Variants in SFXN2 observed in about 807,000 individuals in gnomAD.
SFXN2 encodes the protein sideroflexin-2.
A neutral mutation model predicts 41.9 loss-of-function variants in SFXN2; 37 were observed. The observed-to-expected ratio is 0.88, with a 90% confidence interval of 0.68 to 1.16. The LOEUF (loss-of-function observed/expected upper bound fraction) is 1.16. SFXN2 is among the 50% of genes most tolerant of loss of function. The pLI is 0.00. For synonymous variants in SFXN2, 150 were observed against 156.7 expected (o/e 0.96, Z 0.32); for missense variants, 386 against 425.2 (o/e 0.91, Z 0.81).
chr10:102,729,312 C>T lies in SFXN2; in HGVS notation c.432-7C>T, dbSNP rs770625087. ...CCCCACTCCCAAGCATCTCTCTCCT[C>T]CCCCAGGCAGATGGCCCTTTCCTAC... On this transcript the variant is annotated splice_polypyrimidine_tract_variant and splice_region_variant and intron_variant, in intron 4 of 11. Coordinates refer to ENST00000369893, the MANE Select transcript of SFXN2 (RefSeq NM_178858.6). 1.9e-6 allele frequency: 3 copies of T among 1,613,924 alleles called. No homozygotes were observed. Among genetic ancestry groups the T allele is most frequent in the Non-Finnish European group, 2.5e-6 (3 of 1,179,912 alleles).
chr10:102,728,367 C>A, intron 3 of SFXN2, 64 bp from the exon 4 acceptor site: 1 of 1,290,338 alleles, frequency 7.7e-7, no homozygotes, highest in Non-Finnish European at 1.1e-6. Context: ...CTTTGACTGG[C>A]ATACCCTCAG....
At position 102,729,302 on chromosome 10, in the gene SFXN2, T is replaced by C; in HGVS notation, c.432-17T>C. ...CCGGCAGGGGCCCCACTCCCAAGCA[T>C]CTCTCTCCTCCCCCAGGCAGATGGC... On this transcript the variant is annotated splice_polypyrimidine_tract_variant and intron_variant, in intron 4 of 11. Coordinates refer to ENST00000369893, the MANE Select transcript of SFXN2 (RefSeq NM_178858.6). 1 of 1,613,474 alleles carries C rather than the reference T, an allele frequency of 6.2e-7. No homozygotes were observed. The highest frequency in any genetic ancestry group is 8.5e-7 in the Non-Finnish European group (1 of 1,179,586).
Position 102,726,766 on chromosome 10 carries a change from GAC to G in SFXN2, c.131_132del (p.Asp44ValfsTer31), listed in dbSNP as rs750133897. On this transcript the variant is annotated frameshift_variant, in exon 2 of 12. Transcript: ENST00000369893. LOFTEE classifies it high-confidence loss of function. Reference sequence around the variant, plus strand: ...TGTCTTTGTATCTGAGCGGGAGCTGGACTGGGCCAAGGTGATGGTGGAGAAGA... The same window carrying G: ...TGTCTTTGTATCTGAGCGGGAGCTGGTGGGCCAAGGTGATGGTGGAGAAGA... The part of the protein sequence containing the change: ...RTVFVSEREL[D>X]WAKVMVEKSR... The G allele has an allele frequency of 6.2e-7, 1 of 1,614,190 alleles. No individual in the cohort carries two copies. The highest frequency in any genetic ancestry group is 8.5e-7 in the Non-Finnish European group (1 of 1,180,040).
intron 5 of SFXN2, 80 bp from the exon 6 acceptor site, chr10:102,729,643 T>G: frequency 6.9e-7 from 1 of 1,444,130 alleles, no homozygotes; most frequent in East Asian, 2.3e-5. Flanking sequence ...TTTTCTTTTT[T>G]GTATTCTAGT....
chr10:102,737,826 A>G lies in SFXN2; in HGVS notation c.*64A>G. On this transcript the variant is annotated 3_prime_UTR_variant, in exon 12 of 12. Transcript: ENST00000369893. ...CACCAGCTCCTCCTTAGCTACGTGC[A>G]CACTTGTGTCCTCCTTCCCCTTTGC... 1 of 1,178,684 alleles carries G rather than the reference A, an allele frequency of 8.5e-7. No individual in the cohort carries two copies. The highest frequency in any genetic ancestry group is 1.3e-6 in the Non-Finnish European group (1 of 799,026). The allele number at this position is 1,178,684 out of a possible 1,614,324, so 73.0% of individuals were successfully genotyped here.
intron 1 of SFXN2, among the ~76,000 whole-genome samples, chr10:102,722,925 CTTTTTTTTT>C (rs71019608): frequency 1.9e-5 from 1 of 53,362 alleles, no homozygotes; most frequent in Non-Finnish European, 3.3e-5. Flanking sequence ...CAAGAAAGTC[CTTTTTTTTT>C]TTTTTTTTTT....
chr10:102,728,457 A>C lies in SFXN2; in HGVS notation c.359A>C (p.Gln120Pro), dbSNP rs2064644274. 1.2e-6 allele frequency: 2 copies of C among 1,614,062 alleles called. No homozygotes were observed. The highest frequency in any genetic ancestry group is 1.7e-6 in the Non-Finnish European group (2 of 1,179,974). Residue 120 changes from glutamine to proline, a missense_variant, in exon 4 of 12, where the codon CAG (glutamine) becomes CCG (proline). Coordinates refer to ENST00000369893, the MANE Select transcript of SFXN2 (RefSeq NM_178858.6). ...ACGATGCCGGCGGTGATCTTCTGGC[A>C]GTGGGTGAACCAGTCCTTCAATGCC... is the stretch of plus-strand genomic sequence containing the variant. Reference protein sequence around the residue: ...YRTMPAVIFWQWVNQSFNALV... With the variant: ...YRTMPAVIFWPWVNQSFNALV...
At chr10:102,736,144 A>G (rs2064774862) in intron 11 of SFXN2, among the ~76,000 whole-genome samples, 1 of 152,090 alleles carries the variant, frequency 6.6e-6, no homozygotes, top group African/African-American at 2.4e-5. Flanking sequence ...GCTCCCTCCC[A>G]GTGGAGCAAG....
rs1354004803 is a variant in SFXN2, at chr10:102,740,614, C to T, written c.*2852C>T. ...CCTGCCAGCGCCTCACAATTCACTT[C>T]CTGTCTTTAGAGATTTGCGTATTCT... is the stretch of plus-strand genomic sequence containing the variant. On this transcript the variant is annotated 3_prime_UTR_variant, in exon 12 of 12. Coordinates refer to ENST00000369893, the MANE Select transcript of SFXN2 (RefSeq NM_178858.6). The T allele has an allele frequency of 6.6e-6, 1 of 152,226 alleles. No homozygotes were observed. Among genetic ancestry groups the T allele is most frequent in the Non-Finnish European group, 1.5e-5 (1 of 68,062 alleles). 9.4% of individuals were successfully genotyped at this position (152,226 alleles called of 1,614,324 possible).
At position 102,739,811 on chromosome 10, in the gene SFXN2, GC is replaced by G. The variant is rs2064826048; in HGVS notation, c.*2050del. The G allele has an allele frequency of 6.6e-6, 1 of 152,128 alleles. No homozygotes were observed. Among genetic ancestry groups the G allele is most frequent in the Non-Finnish European group, 1.5e-5 (1 of 68,062 alleles). The allele number at this position is 152,128 out of a possible 1,614,324, so 9.4% of individuals were successfully genotyped here. A position where few individuals can be genotyped will look rare whatever the true frequency, so the allele number is the denominator to read the frequency against. ...ACCTGTAATCCCAGCTACTCGGGGG[GC>G]TGAGACTGGAGAATCACTTGAACCT... On this transcript the variant is annotated 3_prime_UTR_variant, in exon 12 of 12. Transcript: ENST00000369893.
At chr10:102,729,128 C>T (rs548332563) in intron 4 of SFXN2, among the ~76,000 whole-genome samples, 191 bp from the exon 5 acceptor site, 1 of 152,290 alleles carries the variant, frequency 6.6e-6, no homozygotes, top group South Asian at 2.1e-4. Flanking sequence ...GGCATGTTCA[C>T]AGTACTGAAA....
In SFXN2 at chr10:102,732,928, G is replaced by C. The variant is rs1195412512; in HGVS notation, c.771+20G>C. On this transcript the variant is annotated intron_variant, in intron 9 of 11. Transcript: ENST00000369893. ...ATGCAGGTATGTAGGGTTTGCTTTG[G>C]CATTTTCCCTGCCCAGAGTGCGTCC... 5.0e-6 allele frequency: 8 copies of C among 1,613,752 alleles called. No homozygotes were observed. Among genetic ancestry groups the C allele is most frequent in the Non-Finnish European group, 6.8e-6 (8 of 1,179,888 alleles).
In SFXN2 at chr10:102,742,728, C is replaced by T. The variant is rs924396106; in HGVS notation, c.*4966C>T. 1 of 151,234 alleles carries T rather than the reference C, an allele frequency of 6.6e-6. No individual in the cohort carries two copies. Among genetic ancestry groups the T allele is most frequent in the African/African-American group, 2.4e-5 (1 of 41,310 alleles). 9.4% of individuals were successfully genotyped at this position (151,234 alleles called of 1,614,324 possible). On this transcript the variant is annotated 3_prime_UTR_variant, in exon 12 of 12. Transcript: ENST00000369893. Reference sequence around the variant, plus strand: ...CAAGGGATCTACCTGCCTCAGCCTCCCAAAGGGCTAGGATTATAAGCATGA... The same window carrying T: ...CAAGGGATCTACCTGCCTCAGCCTCTCAAAGGGCTAGGATTATAAGCATGA...
intron 1 of SFXN2, chr10:102,724,913 G>GTTTTTTTTTTTTTTTTTTT (rs200568019): frequency 1.4e-5 from 2 of 142,134 alleles, no homozygotes; most frequent in Non-Finnish European, 1.5e-5. Context: ...TTCAAACTGC[G>GTTTTTTTTTTTTTTTTTTT]TTTTTTTTTT....
intron 6 of SFXN2, among the ~76,000 whole-genome samples, chr10:102,731,388 C>G (rs2136053912): frequency 6.6e-6 from 1 of 152,148 alleles, no homozygotes; most frequent in South Asian, 2.1e-4. Flanking sequence ...CTTACCAGGT[C>G]CTGTAAAGTG....
chr10:102,740,043 T>A lies in SFXN2; in HGVS notation c.*2281T>A, dbSNP rs1004169832. 2 of 152,234 alleles carry A rather than the reference T, an allele frequency of 1.3e-5. No individual in the cohort carries two copies. The highest frequency in any genetic ancestry group is 4.8e-5 in the African/African-American group (2 of 41,442). The allele number at this position is 152,234 out of a possible 1,614,324, so 9.4% of individuals were successfully genotyped here. A position where few individuals can be genotyped will look rare whatever the true frequency, so the allele number is the denominator to read the frequency against. ...AGTCATTGCCCGGTGATGCTGATTC[T>A]GTTGGTCTTGGCACCATACGTGGAG... On this transcript the variant is annotated 3_prime_UTR_variant, in exon 12 of 12. Transcript: ENST00000369893.
In SFXN2 at chr10:102,726,983, G is replaced by A. The variant is rs762079318; in HGVS notation, c.162-4G>A. 3.8e-6 allele frequency: 6 copies of A among 1,593,130 alleles called. No homozygotes were observed. Among genetic ancestry groups the A allele is most frequent in the Middle Eastern group, 2.0e-4 (1 of 5,074 alleles). ...GGTGACTGCCTGCTGTCCTTGGGTGGCAGGATGGGGGTTGTGCCCCCAGGC... is the reference window on the plus strand; with the variant it reads ...GGTGACTGCCTGCTGTCCTTGGGTGACAGGATGGGGGTTGTGCCCCCAGGC... On this transcript the variant is annotated splice_polypyrimidine_tract_variant and splice_region_variant and intron_variant, in intron 2 of 11. Transcript: ENST00000369893.
At chr10:102,719,616 C>T (rs2064477407) in intron 1 of SFXN2, among the ~76,000 whole-genome samples, 2 of 152,128 alleles carry the variant, frequency 1.3e-5, no homozygotes, top group Admixed American at 6.5e-5. Context: ...AAAACTTTAT[C>T]GTAAATCACC....
chr10:102,726,448 C>G, intron 1 of SFXN2, 164 bp from the exon 2 acceptor site: 1 of 646,396 alleles, frequency 1.5e-6, no homozygotes, highest in Non-Finnish European at 2.6e-6. Context: ...ATGTTGGTGC[C>G]CAGTTGCTCA....
Sources: gnomAD v4.1 joint callset for allele counts (sites outside exome capture counted in the v4.1 genomes callset) on GRCh38, gnomAD v4.1.1 for gene constraint, MANE v1.5 for transcripts, NCBI Gene and HGNC (gene_info 2026-07-23, HGNC 2026-07-21) for gene names.